The following CSNK1G1 variants were observed in gnomAD, a reference collection of about 807,000 sequenced individuals.
The protein encoded by CSNK1G1 is casein kinase I isoform gamma-1.
A neutral mutation model predicts 59.6 loss-of-function variants in CSNK1G1; 22 were observed. The observed-to-expected ratio is 0.37, with a 90% confidence interval of 0.26 to 0.53. CSNK1G1 has a LOEUF of 0.53. Ranked by LOEUF, CSNK1G1 falls within the 20% of genes least tolerant of loss-of-function variation. The pLI is 0.89. For missense variants in CSNK1G1, 384 were observed against 519.5 expected, an observed-to-expected ratio of 0.74 and a Z score of 2.54; for synonymous variants, 179 against 177.1, an observed-to-expected ratio of 1.01 and a Z score of -0.08.
At chr15:64,215,878 C>T (rs1488157725) in intron 5 of CSNK1G1, among the ~76,000 whole-genome samples, 2 of 152,280 alleles carry the variant, frequency 1.3e-5, no homozygotes, top group East Asian at 3.9e-4. Flanking sequence ...TCAATCTTTT[C>T]TTGGTTGCAA....
chr15:64,244,950 G>A (rs1013616211), intron 4 of CSNK1G1, among the ~76,000 whole-genome samples: 1 of 152,126 alleles, frequency 6.6e-6, no homozygotes, highest in African/African-American at 2.4e-5. Flanking sequence ...AGAGACCAAG[G>A]GAAGAGAGGA....
rs186007821 is a variant in CSNK1G1, at chr15:64,313,079, T to A, written c.-224-12356A>T. Among the ~76,000 whole-genome samples, 3 of 152,206 alleles carry A rather than the reference T, an allele frequency of 2.0e-5. No individual in the cohort carries two copies. The East Asian group carries it at 5.8e-4, about 29-fold the overall frequency. On this transcript the variant is annotated intron_variant, in intron 1 of 11. Transcript: ENST00000303052. ...TACCATCTCACGCCAGTTAGAATGGTGATCATTAAAAAGTCAGGAAACAGA... is the reference window on the plus strand; with the variant it reads ...TACCATCTCACGCCAGTTAGAATGGAGATCATTAAAAAGTCAGGAAACAGA...
chr15:64,204,350 G>T, intron 9 of CSNK1G1, 91 bp downstream of exon 9: 1 of 1,050,832 alleles, frequency 9.5e-7, no homozygotes, highest in Non-Finnish European at 1.3e-6. Context: ...AAAGATTCAA[G>T]CAGAAAGACT....
chr15:64,309,309 AACACACACACACAC>A (rs66467610), intron 1 of CSNK1G1, among the ~76,000 whole-genome samples: 150 of 146,470 alleles, frequency 1.0e-3, no homozygotes, highest in Non-Finnish European at 1.1e-3. Context: ...TAGTGAATAA[AACACACACACACAC>A]ACACACACAC....
At chr15:64,325,866 G>A (rs1412899225) in intron 1 of CSNK1G1, among the ~76,000 whole-genome samples, 1 of 152,206 alleles carries the variant, frequency 6.6e-6, no homozygotes, top group Non-Finnish European at 1.5e-5. Flanking sequence ...GACGGACAGA[G>A]AGACAGAGAG....
intron 1 of CSNK1G1, among the ~76,000 whole-genome samples, chr15:64,336,366 T>C (rs1566952353): frequency 6.6e-6 from 1 of 152,214 alleles, no homozygotes; most frequent in Non-Finnish European, 1.5e-5. Context: ...TCCTTTCTTA[T>C]TTGTTTTAAA....
chr15:64,221,082 G>A (rs1425593443), intron 4 of CSNK1G1, among the ~76,000 whole-genome samples: 1 of 152,118 alleles, frequency 6.6e-6, no homozygotes, highest in Non-Finnish European at 1.5e-5. Context: ...TCTCCACCTT[G>A]ACTGAGCTAC....
intron 10 of CSNK1G1, among the ~76,000 whole-genome samples, chr15:64,194,864 G>C (rs1185624001): frequency 6.6e-6 from 1 of 152,098 alleles, no homozygotes. Context: ...TTACAGTCTA[G>C]ATACAAACAA....
intron 2 of CSNK1G1, among the ~76,000 whole-genome samples, chr15:64,296,672 C>T (rs182025361): frequency 4.1e-4 from 62 of 152,050 alleles, no homozygotes; most frequent in African/African-American, 1.4e-3. Flanking sequence ...CGAGACCAGC[C>T]TGGCCAACAT....
At chr15:64,178,482 CTTTT>C (rs1175775132) in intron 11 of CSNK1G1, among the ~76,000 whole-genome samples, 4 of 123,738 alleles carry the variant, frequency 3.2e-5, no homozygotes. Flanking sequence ...CAAAAATTTT[CTTTT>C]TTTTTTTTTT....
chr15:64,287,512 T>C (rs76644358), intron 2 of CSNK1G1, among the ~76,000 whole-genome samples: 1,673 of 152,304 alleles, frequency 0.011, 17 homozygotes, highest in Middle Eastern at 0.034. Flanking sequence ...AATATAATGC[T>C]GAATCTTGAT....
At chr15:64,325,701 T>C (rs1410546247) in intron 1 of CSNK1G1, among the ~76,000 whole-genome samples, 1 of 152,246 alleles carries the variant, frequency 6.6e-6, no homozygotes, top group Admixed American at 6.5e-5. Context: ...AAGTGCCTAC[T>C]GCATACCAGG....
rs1360225725 is a variant in CSNK1G1, at chr15:64,345,750, G to C, written c.-225+10238C>G. On this transcript the variant is annotated intron_variant, in intron 1 of 11. Transcript: ENST00000303052. ...CCCACAGATTATTTCATTTGTTTTA[G>C]TTTCTTTAAGAACATCCTTATTAAC... Among the ~76,000 whole-genome samples the C allele has an allele frequency of 5.9e-5, 9 of 152,086 alleles. No individual in the cohort carries two copies. In the East Asian group the frequency reaches 1.7e-3, roughly 29 times the overall value.
At chr15:64,288,215 C>T (rs1339911677) in intron 2 of CSNK1G1, among the ~76,000 whole-genome samples, 2 of 151,932 alleles carry the variant, frequency 1.3e-5, no homozygotes, top group East Asian at 1.9e-4. Context: ...AATACAGTAA[C>T]AGTGCTCTCA....
chr15:64,295,154 A>T (rs1425072487), intron 2 of CSNK1G1, among the ~76,000 whole-genome samples: 7 of 152,060 alleles, frequency 4.6e-5, no homozygotes, highest in African/African-American at 1.7e-4. Context: ...CAGTCCTCAA[A>T]TATTCACAAA....
At chr15:64,346,481 T>C (rs1897986589) in intron 1 of CSNK1G1, among the ~76,000 whole-genome samples, 1 of 151,076 alleles carries the variant, frequency 6.6e-6, no homozygotes, top group Non-Finnish European at 1.5e-5. Context: ...TTTTGAGACA[T>C]AGGTTTGCTC....
At chr15:64,253,279 A>G (rs975814875) in intron 3 of CSNK1G1, among the ~76,000 whole-genome samples, 1 of 152,128 alleles carries the variant, frequency 6.6e-6, no homozygotes, top group Non-Finnish European at 1.5e-5. Flanking sequence ...CCAGAGATCA[A>G]GACTGCAGGG....
chr15:64,184,934 G>A (rs1042682989), intron 10 of CSNK1G1, among the ~76,000 whole-genome samples: 5 of 152,154 alleles, frequency 3.3e-5, no homozygotes, highest in Non-Finnish European at 7.3e-5. Flanking sequence ...TCAGAGCTGT[G>A]TACCAAAGGA....
chr15:64,207,871 T>C (rs2082203590), intron 6 of CSNK1G1, among the ~76,000 whole-genome samples: 1 of 150,266 alleles, frequency 6.7e-6, no homozygotes, highest in Non-Finnish European at 1.5e-5. Context: ...TTTCCACCCC[T>C]CACTCAATGC....
Sources: allele counts gnomAD v4.1 joint callset (sites outside exome capture counted in the v4.1 genomes callset), GRCh38; gene constraint gnomAD v4.1.1; transcripts MANE v1.5; gene names NCBI Gene and HGNC (gene_info 2026-07-23, HGNC 2026-07-21).